Variants in SLC25A31 observed in about 807,000 individuals in gnomAD.
SLC25A31 encodes the protein ADP/ATP translocase 4.
SLC25A31 carries 40 observed loss-of-function variants against 36.2 expected under a neutral mutation model. The ratio of observed to expected loss-of-function variants is 1.10; its 90% confidence interval spans 0.86 to 1.44. SLC25A31 has a LOEUF of 1.44. Among genes scored for constraint, SLC25A31 ranks in the 40% most tolerant of loss-of-function variants. The probability of loss-of-function intolerance (pLI) is 0.00; values close to 1 mark genes in which losing one functional copy is unlikely to be tolerated. For missense variants in SLC25A31, 350 were observed against 397.1 expected, an observed-to-expected ratio of 0.88 and a Z score of 1.01; for synonymous variants, 143 against 149.7, an observed-to-expected ratio of 0.96 and a Z score of 0.32.
chr4:127,762,389 CAGAA>C (rs1229381382), intron 2 of SLC25A31, among the ~76,000 whole-genome samples: 2 of 151,974 alleles, frequency 1.3e-5, no homozygotes, highest in Non-Finnish European at 2.9e-5. Flanking sequence ...TATATAGAGA[CAGAA>C]AGTAGTTTAA....
intron 3 of SLC25A31, among the ~76,000 whole-genome samples, chr4:127,766,638 T>C (rs1732250696): frequency 6.6e-6 from 1 of 152,036 alleles, no homozygotes; most frequent in South Asian, 2.1e-4. Context: ...ATTTTTTTTA[T>C]TTTTTGTAGT....
intron 1 of SLC25A31, among the ~76,000 whole-genome samples, chr4:127,734,588 G>T (rs180940430): frequency 1.4e-4 from 20 of 139,834 alleles, no homozygotes; most frequent in Non-Finnish European, 2.9e-4. Context: ...AAAAAGATCC[G>T]TACAGTCTCA....
At chr4:127,747,047 TG>T (rs1251749473) in intron 2 of SLC25A31, among the ~76,000 whole-genome samples, 1 of 152,194 alleles carries the variant, frequency 6.6e-6, no homozygotes, top group African/African-American at 2.4e-5. Context: ...CCTCATTGCT[TG>T]TTTTTGTCAG....
intron 2 of SLC25A31, among the ~76,000 whole-genome samples, chr4:127,748,042 C>T (rs1334452942): frequency 6.6e-6 from 1 of 152,152 alleles, no homozygotes; most frequent in East Asian, 1.9e-4. Flanking sequence ...CTTACCTAAG[C>T]CTTGGTGTCC....
chr4:127,767,228 G>A lies in SLC25A31; in HGVS notation c.633+8G>A, dbSNP rs147597512. 3.5e-4 allele frequency: 547 copies of A among 1,555,262 alleles called. 2 individuals are homozygous for A. The African/African-American group carries it at 7.0e-3, about 20-fold the overall frequency. The stretch of plus-strand genomic sequence containing the variant: ...GCTTATGACACAGTTAAGGTAATCT[G>A]GGGGCTTTAACTTGGACATATTAAA... On this transcript the variant is annotated splice_region_variant and intron_variant, in intron 4 of 5. Transcript: ENST00000281154.
rs951797416 is a variant in SLC25A31 at position 127,730,425 on chromosome 4, C to T, written c.-121C>T. On this transcript the variant is annotated 5_prime_UTR_variant, in exon 1 of 6. Coordinates refer to ENST00000281154, the MANE Select transcript of SLC25A31 (RefSeq NM_031291.4). Reference sequence around the variant, plus strand: ...GCCGGCGCGCGGCTCTCTCAGCGTCCCAAGAGCCACTTTCTCGCCAGTACG... The same window carrying T: ...GCCGGCGCGCGGCTCTCTCAGCGTCTCAAGAGCCACTTTCTCGCCAGTACG... The T allele has an allele frequency of 1.5e-5, 17 of 1,117,332 alleles. No homozygotes were observed. The highest frequency in any genetic ancestry group is 5.2e-5 in the East Asian group (2 of 38,716). 69.2% of individuals were successfully genotyped at this position (1,117,332 alleles called of 1,614,324 possible).
intron 1 of SLC25A31, among the ~76,000 whole-genome samples, chr4:127,731,112 C>T (rs1330488698): frequency 1.3e-5 from 2 of 152,212 alleles, no homozygotes; most frequent in Admixed American, 6.5e-5. Flanking sequence ...TGCCATTAGG[C>T]ACTCTGCTAT....
chr4:127,763,411 A>G (rs1222699896), intron 2 of SLC25A31, among the ~76,000 whole-genome samples: 1 of 152,228 alleles, frequency 6.6e-6, no homozygotes, highest in Non-Finnish European at 1.5e-5. Context: ...CTTGACTAGC[A>G]TATTATTCAC....
At chr4:127,757,764 C>CT (rs1443613023) in intron 2 of SLC25A31, among the ~76,000 whole-genome samples, 2 of 152,074 alleles carry the variant, frequency 1.3e-5, no homozygotes, top group Admixed American at 6.5e-5. Context: ...TAAGCATTCC[C>CT]TTTTTTTACA....
Position 127,773,634 on chromosome 4 carries a change from C to T in SLC25A31, c.*60C>T. 2 of 1,317,178 alleles carry T rather than the reference C, an allele frequency of 1.5e-6. No homozygotes were observed. Among genetic ancestry groups the T allele is most frequent in the South Asian group, 3.2e-5 (2 of 63,168 alleles). 81.6% of individuals were successfully genotyped at this position (1,317,178 alleles called of 1,614,324 possible). A position where few individuals can be genotyped will look rare whatever the true frequency, so the allele number is the denominator to read the frequency against. On this transcript the variant is annotated 3_prime_UTR_variant, in exon 6 of 6. Transcript: ENST00000281154. ...CTTGTTAAACATACAAATTACATAG[C>T]TGCCATTTGCATACATTTTGATAGT... is the stretch of plus-strand genomic sequence containing the variant.
intron 2 of SLC25A31, among the ~76,000 whole-genome samples, chr4:127,757,664 G>A (rs1251723247): frequency 6.6e-6 from 1 of 152,086 alleles, no homozygotes; most frequent in African/African-American, 2.4e-5. Context: ...GTAATAGGAT[G>A]GCATAGTAGT....
At chr4:127,735,663 A>G (rs144187702) in intron 1 of SLC25A31, among the ~76,000 whole-genome samples, 8 of 152,044 alleles carry the variant, frequency 5.3e-5, no homozygotes, top group South Asian at 2.1e-4. Context: ...TTTAATTTAT[A>G]TTTTGAGTAT....
chr4:127,774,071 T>G lies in SLC25A31; in HGVS notation c.*497T>G, dbSNP rs961744638. The G allele has an allele frequency of 1.3e-5, 2 of 152,226 alleles. No individual in the cohort carries two copies. The highest frequency in any genetic ancestry group is 4.8e-5 in the African/African-American group (2 of 41,454). The allele number at this position is 152,226 out of a possible 1,614,324, so 9.4% of individuals were successfully genotyped here. On this transcript the variant is annotated 3_prime_UTR_variant, in exon 6 of 6. Coordinates refer to ENST00000281154, the MANE Select transcript of SLC25A31 (RefSeq NM_031291.4). ...ACAGTTGTTATTACTGTGTATAATATTTACAGTATCAGCCTTTGATTATAG... is the reference window on the plus strand; with the variant it reads ...ACAGTTGTTATTACTGTGTATAATAGTTACAGTATCAGCCTTTGATTATAG...
chr4:127,731,565 C>G (rs560639185), intron 1 of SLC25A31, among the ~76,000 whole-genome samples: 1 of 152,218 alleles, frequency 6.6e-6, no homozygotes, highest in African/African-American at 2.4e-5. Context: ...AAAAATTAGC[C>G]GGGCGTGGTG....
At chr4:127,748,651 G>A (rs1198660451) in intron 2 of SLC25A31, among the ~76,000 whole-genome samples, 3 of 152,132 alleles carry the variant, frequency 2.0e-5, no homozygotes, top group Admixed American at 6.5e-5. Context: ...ACAGTTTTTG[G>A]TTAGAGACCC....
chr4:127,744,273 A>T (rs1731783014), intron 1 of SLC25A31, among the ~76,000 whole-genome samples: 1 of 152,346 alleles, frequency 6.6e-6, no homozygotes, highest in South Asian at 2.1e-4. Context: ...TGTACAAATC[A>T]GTAAGTGGAT....
At chr4:127,747,169 A>G (rs1731841631) in intron 2 of SLC25A31, among the ~76,000 whole-genome samples, 1 of 152,168 alleles carries the variant, frequency 6.6e-6, no homozygotes, top group African/African-American at 2.4e-5. Flanking sequence ...TGTTTTGGTT[A>G]CTTTAGCCCA....
At chr4:127,732,192 T>C (rs1414291425) in intron 1 of SLC25A31, among the ~76,000 whole-genome samples, 2 of 152,218 alleles carry the variant, frequency 1.3e-5, no homozygotes, top group Non-Finnish European at 2.9e-5. Context: ...ATGAAGTGGC[T>C]TCAACTCCAG....
intron 2 of SLC25A31, among the ~76,000 whole-genome samples, chr4:127,752,764 A>G (rs1184423383): frequency 1.3e-5 from 2 of 152,222 alleles, no homozygotes; most frequent in African/African-American, 4.8e-5. Flanking sequence ...ACCTAAATCT[A>G]TAAAACAAAT....
Sources: allele counts gnomAD v4.1 joint callset (sites outside exome capture counted in the v4.1 genomes callset), GRCh38; gene constraint gnomAD v4.1.1; transcripts MANE v1.5; gene names NCBI Gene and HGNC (gene_info 2026-07-23, HGNC 2026-07-21).